SPEF2: variants seen among roughly 807,000 people sequenced by gnomAD.
SPEF2 encodes sperm flagellar and cilia associated 2.
SPEF2 carries 187 observed loss-of-function variants against 224.6 expected under a neutral mutation model. The observed-to-expected ratio is 0.83, with a 90% confidence interval of 0.74 to 0.94. The LOEUF is 0.94. Among genes scored for constraint, SPEF2 ranks in the 40% least tolerant of loss-of-function variants. The pLI is 0.00. For missense variants in SPEF2, 2,170 were observed against 2,135.6 expected (o/e 1.02, Z -0.32); for synonymous variants, 715 against 707.3 (o/e 1.01, Z -0.17).
At chr5:35,704,193 G>T (rs372640248) in intron 16 of SPEF2, among the ~76,000 whole-genome samples, 1 of 151,530 alleles carries the variant, frequency 6.6e-6, no homozygotes, top group South Asian at 2.1e-4. Flanking sequence ...TGACGTTCCA[G>T]CCACCTTGTT....
chr5:35,757,293 A>G (rs997039726), intron 24 of SPEF2, among the ~76,000 whole-genome samples: 5 of 152,062 alleles, frequency 3.3e-5, no homozygotes, highest in Non-Finnish European at 7.4e-5. Flanking sequence ...ATATAAGATA[A>G]TCACTATAAT....
chr5:35,633,270 TC>T lies in SPEF2; in HGVS notation c.161+4711del, dbSNP rs1443426020. On this transcript the variant is annotated intron_variant, in intron 2 of 36. Coordinates refer to ENST00000356031, the MANE Select transcript of SPEF2 (RefSeq NM_024867.4). Reference sequence around the variant, plus strand: ...TTATTCTTGTTGAGTTGTCTATTTCTCCCTCTAATTCTTTCAGTTTTTCCTC... The same window carrying T: ...TTATTCTTGTTGAGTTGTCTATTTCTCCTCTAATTCTTTCAGTTTTTCCTC... 3.9e-5 allele frequency among the ~76,000 whole-genome samples: 6 copies of T among 152,228 alleles called. No homozygotes were observed. The East Asian group carries it at 1.2e-3, about 29-fold the overall frequency.
chr5:35,802,268 G>A (rs765433334), intron 34 of SPEF2, among the ~76,000 whole-genome samples: 9 of 152,080 alleles, frequency 5.9e-5, no homozygotes, highest in Non-Finnish European at 1.2e-4. Flanking sequence ...CATCTTTCAC[G>A]AAGCATCCCC....
chr5:35,638,036 G>A (rs1746083998), intron 2 of SPEF2, among the ~76,000 whole-genome samples: 1 of 152,124 alleles, frequency 6.6e-6, no homozygotes, highest in South Asian at 2.1e-4. Flanking sequence ...TTATAACACT[G>A]ATCACTTTGT....
intron 26 of SPEF2, among the ~76,000 whole-genome samples, chr5:35,771,199 G>A (rs1198584370): frequency 6.6e-6 from 1 of 151,940 alleles, no homozygotes; most frequent in Non-Finnish European, 1.5e-5. Flanking sequence ...ATCAAAAAAG[G>A]TTAAGAAACA....
At chr5:35,636,619 C>T (rs184998114) in intron 2 of SPEF2, among the ~76,000 whole-genome samples, 1 of 152,056 alleles carries the variant, frequency 6.6e-6, no homozygotes, top group Non-Finnish European at 1.5e-5. Flanking sequence ...TAAGCTCTAT[C>T]AGGTCAAATA....
intron 6 of SPEF2, among the ~76,000 whole-genome samples, 197 bp from the exon 7 acceptor site, chr5:35,654,343 A>G (rs1316985187): frequency 2.6e-5 from 4 of 152,158 alleles, no homozygotes; most frequent in South Asian, 2.1e-4. Flanking sequence ...GAATTTAGAA[A>G]TGGGGTGAAG....
intron 8 of SPEF2, among the ~76,000 whole-genome samples, chr5:35,661,390 T>TATATATATATATTTGTTAACAAAAA (rs1174064635): frequency 6.8e-6 from 1 of 146,576 alleles, no homozygotes; most frequent in African/African-American, 2.5e-5. Context: ...CCAAGATAAA[T>TATATATATATATTTGTTAACAAAAA]ATATATATAT....
intron 20 of SPEF2, among the ~76,000 whole-genome samples, chr5:35,715,108 G>T (rs1486033049): frequency 6.6e-6 from 1 of 151,864 alleles, no homozygotes; most frequent in Non-Finnish European, 1.5e-5. Flanking sequence ...GTAGAGATGG[G>T]GTTTCAGCAT....
intron 8 of SPEF2, among the ~76,000 whole-genome samples, chr5:35,665,292 T>C (rs2149466802): frequency 6.6e-6 from 1 of 152,262 alleles, no homozygotes; most frequent in South Asian, 2.1e-4. Flanking sequence ...GACTTCCTTT[T>C]TCCTTTTCCT....
intron 36 of SPEF2, chr5:35,807,602 A>T: frequency 6.6e-7 from 1 of 1,512,906 alleles, no homozygotes; most frequent in Non-Finnish European, 8.9e-7. Flanking sequence ...ATCTCCAGCC[A>T]AGTGCTGACA....
At chr5:35,774,862 A>C (rs72738893) in intron 28 of SPEF2, among the ~76,000 whole-genome samples, 1 of 152,158 alleles carries the variant, frequency 6.6e-6, no homozygotes, top group Non-Finnish European at 1.5e-5. Context: ...ATCTGAAGTC[A>C]GTTGAACACA....
intron 32 of SPEF2, among the ~76,000 whole-genome samples, chr5:35,795,002 A>G (rs1160332153): frequency 6.6e-6 from 1 of 152,024 alleles, no homozygotes; most frequent in African/African-American, 2.4e-5. Flanking sequence ...TTGCCAGCTC[A>G]TTGCCCCTCC....
intron 13 of SPEF2, 69 bp from the exon 14 acceptor site, chr5:35,695,666 G>C: frequency 7.7e-7 from 1 of 1,292,762 alleles, no homozygotes; most frequent in Non-Finnish European, 1.1e-6. Context: ...ACCATAGATG[G>C]TCAAATACTG....
At chr5:35,713,169 C>T (rs940248637) in intron 20 of SPEF2, among the ~76,000 whole-genome samples, 3 of 152,142 alleles carry the variant, frequency 2.0e-5, no homozygotes, top group Non-Finnish European at 4.4e-5. Flanking sequence ...TTGGACTAAG[C>T]TGTGCCATCC....
At chr5:35,635,763 CA>C (rs1346038666) in intron 2 of SPEF2, among the ~76,000 whole-genome samples, 1 of 152,084 alleles carries the variant, frequency 6.6e-6, no homozygotes, top group Non-Finnish European at 1.5e-5. Flanking sequence ...ATTTTATTTT[CA>C]CATTGAAAAT....
intron 26 of SPEF2, among the ~76,000 whole-genome samples, chr5:35,768,213 A>T (rs978026514): frequency 3.3e-5 from 5 of 152,140 alleles, no homozygotes; most frequent in African/African-American, 1.2e-4. Flanking sequence ...GATGATGCTG[A>T]TGTCAATATT....
intron 19 of SPEF2, 42 bp downstream of exon 19, chr5:35,709,163 A>C (rs775404251): frequency 6.3e-7 from 1 of 1,594,484 alleles, no homozygotes; most frequent in South Asian, 1.2e-5. Context: ...TCAGTTTCTT[A>C]TTTTTACTCA....
At chr5:35,757,751 A>G in intron 24 of SPEF2, among the ~76,000 whole-genome samples, 1 of 152,198 alleles carries the variant, frequency 6.6e-6, no homozygotes, top group East Asian at 1.9e-4. Context: ...AAAAAGGTTT[A>G]GTTTTTCTTG....
Sources: allele counts gnomAD v4.1 joint callset (sites outside exome capture counted in the v4.1 genomes callset), GRCh38; gene constraint gnomAD v4.1.1; transcripts MANE v1.5; gene names NCBI Gene and HGNC (gene_info 2026-07-23, HGNC 2026-07-21).